The following RNF111 variants were observed in gnomAD, a reference collection of about 807,000 sequenced individuals.
RNF111 encodes the protein E3 ubiquitin-protein ligase Arkadia.
RNF111 carries 17 observed loss-of-function variants against 95.1 expected under a neutral mutation model. That is an observed-to-expected ratio of 0.18 (90% CI 0.12 to 0.27). RNF111 has a LOEUF of 0.27. RNF111 is among the 10% of genes least tolerant of loss of function. The probability of loss-of-function intolerance (pLI) is 1.00; values close to 1 mark genes in which losing one functional copy is unlikely to be tolerated. For synonymous variants in RNF111, 440 were observed against 414.8 expected (o/e 1.06, Z -0.74); for missense variants, 1,189 against 1,210.4 (o/e 0.98, Z 0.26).
intron 13 of RNF111, among the ~76,000 whole-genome samples, chr15:59,093,966 T>A (rs1246371332): frequency 6.6e-6 from 1 of 152,204 alleles, no homozygotes; most frequent in Non-Finnish European, 1.5e-5. Flanking sequence ...TTAGGAAGTC[T>A]GAAAAGTGTA....
intron 2 of RNF111, among the ~76,000 whole-genome samples, chr15:59,042,054 A>AT (rs2041485064): frequency 6.7e-6 from 1 of 148,686 alleles, no homozygotes; most frequent in Non-Finnish European, 1.5e-5. Flanking sequence ...TTAGCAATGT[A>AT]AGTCCTATAT....
chr15:59,041,962 T>TA (rs1491468012), intron 2 of RNF111, among the ~76,000 whole-genome samples: 8 of 71,210 alleles, frequency 1.1e-4, no homozygotes, highest in Non-Finnish European at 1.8e-4. Context: ...TCTGTTCATA[T>TA]TTTTTTTTTT....
chr15:59,038,697 G>A (rs2041301097), intron 2 of RNF111, among the ~76,000 whole-genome samples: 1 of 152,068 alleles, frequency 6.6e-6, no homozygotes, highest in Admixed American at 6.6e-5. Flanking sequence ...CAACACACAT[G>A]GTTTAATTCT....
chr15:59,033,886 G>A (rs2041038073), intron 2 of RNF111, among the ~76,000 whole-genome samples: 2 of 151,858 alleles, frequency 1.3e-5, no homozygotes, highest in East Asian at 3.9e-4. Context: ...TTGAAACCAA[G>A]TACATTCAAT....
intron 7 of RNF111, among the ~76,000 whole-genome samples, chr15:59,079,500 G>A (rs2140158837): frequency 6.6e-6 from 1 of 152,286 alleles, no homozygotes; most frequent in African/African-American, 2.4e-5. Context: ...ATATAGTTGA[G>A]TTATTGTTAC....
At chr15:59,042,263 A>C in intron 2 of RNF111, among the ~76,000 whole-genome samples, 1 of 151,970 alleles carries the variant, frequency 6.6e-6, no homozygotes, top group Non-Finnish European at 1.5e-5. Flanking sequence ...AGTAGCTGGG[A>C]CCACAAGTGC....
chr15:59,010,214 TTTTG>T (rs2141535300), intron 1 of RNF111, among the ~76,000 whole-genome samples: 1 of 152,308 alleles, frequency 6.6e-6, no homozygotes, highest in South Asian at 2.1e-4. Context: ...GATTGATTCT[TTTTG>T]TTTTAATTTA....
chr15:59,024,385 A>G (rs2040497455), intron 1 of RNF111, among the ~76,000 whole-genome samples: 1 of 152,216 alleles, frequency 6.6e-6, no homozygotes, highest in Non-Finnish European at 1.5e-5. Flanking sequence ...AGATCTGCCT[A>G]GATGAGATTC....
chr15:59,038,055 A>T (rs1009017310), intron 2 of RNF111, among the ~76,000 whole-genome samples: 6 of 152,206 alleles, frequency 3.9e-5, no homozygotes, highest in African/African-American at 1.4e-4. Flanking sequence ...ATATTGAAAA[A>T]ATGTTAATTT....
chr15:59,059,231 G>A (rs570745686), intron 5 of RNF111, among the ~76,000 whole-genome samples: 1 of 152,274 alleles, frequency 6.6e-6, no homozygotes, highest in East Asian at 1.9e-4. Flanking sequence ...AAGAAGTTAT[G>A]CAAATGACCA....
intron 2 of RNF111, among the ~76,000 whole-genome samples, chr15:59,035,912 A>G (rs141229852): frequency 1.4e-3 from 210 of 152,190 alleles, no homozygotes; most frequent in African/African-American, 4.4e-3. Flanking sequence ...AGCTCTCCAA[A>G]CTTTTGCAAC....
chr15:59,031,067 AG>A lies in RNF111; in HGVS notation c.246del (p.Gln82HisfsTer10). Reference protein sequence around the residue: ...QKQEKEMNGNQQEQEKSLVVR... With the variant: ...QKQEKEMNGNXQEQEKSLVVR... ...CAAGAGAAGGAAATGAATGGTAACC[AG>A]CAAGAACAAGAAAAAAGTCTCGTTG... is the stretch of plus-strand genomic sequence containing the variant. On this transcript the variant is annotated frameshift_variant, in exon 2 of 14. Coordinates refer to ENST00000348370, the MANE Select transcript of RNF111 (RefSeq NM_017610.8). LOFTEE classifies it high-confidence loss of function. The A allele has an allele frequency of 1.2e-6, 2 of 1,614,304 alleles. No individual in the cohort carries two copies. The highest frequency in any genetic ancestry group is 1.7e-6 in the Non-Finnish European group (2 of 1,180,060).
intron 1 of RNF111, among the ~76,000 whole-genome samples, chr15:59,010,052 T>A (rs1377727288): frequency 1.3e-5 from 2 of 152,222 alleles, no homozygotes; most frequent in African/African-American, 2.4e-5. Flanking sequence ...AATTTTTTTT[T>A]AGCTTTGTGT....
In RNF111 at chr15:59,058,495, G is replaced by T; in HGVS notation, c.1311G>T (p.Val437=). Reference sequence around the variant, plus strand: ...TCACCAGTAGCCAACCTTCCACAGTGTCAGAGACTTCAGCTACTCTTACAA... The same window carrying T: ...TCACCAGTAGCCAACCTTCCACAGTTTCAGAGACTTCAGCTACTCTTACAA... ...SAVTSSQPST[V]SETSATLTSN... The change falls in exon 5 of 14, where the codon GTG becomes GTT. Residue 437 remains valine (V), a synonymous_variant. Transcript: ENST00000348370. The T allele has an allele frequency of 6.2e-7, 1 of 1,614,052 alleles. No individual in the cohort carries two copies. Among genetic ancestry groups the T allele is most frequent in the Non-Finnish European group, 8.5e-7 (1 of 1,179,960 alleles).
intron 11 of RNF111, 47 bp downstream of exon 11, chr15:59,089,806 C>G (rs762100202): frequency 3.4e-5 from 43 of 1,280,244 alleles, no homozygotes; most frequent in Admixed American, 5.0e-5. Context: ...ATCTTTAATG[C>G]AGATTGAGTA....
intron 11 of RNF111, among the ~76,000 whole-genome samples, chr15:59,090,412 T>A (rs1372997559): frequency 2.0e-5 from 3 of 152,250 alleles, no homozygotes; most frequent in African/African-American, 7.2e-5. Flanking sequence ...GTATTTTTAG[T>A]AGAGATAGTG....
chr15:59,077,322 TAATA>T (rs1164688018), intron 7 of RNF111, among the ~76,000 whole-genome samples: 2 of 152,208 alleles, frequency 1.3e-5, no homozygotes, highest in African/African-American at 4.8e-5. Context: ...CAAAATGTCC[TAATA>T]AATACATGTT....
At chr15:59,045,400 A>G (rs1476802978) in intron 2 of RNF111, among the ~76,000 whole-genome samples, 1 of 152,136 alleles carries the variant, frequency 6.6e-6, no homozygotes, top group Non-Finnish European at 1.5e-5. Flanking sequence ...CATGTTGGCC[A>G]GGCTGGTCTC....
rs183410699 is a variant in RNF111 at position 59,029,445 on chromosome 15, A to G, written c.-19-1359A>G. 3.3e-5 allele frequency among the ~76,000 whole-genome samples: 5 copies of G among 152,342 alleles called. No individual in the cohort carries two copies. The East Asian group carries it at 5.8e-4, about 18-fold the overall frequency. ...GCGCGTGATGGCTGATCTTGGATAC[A>G]GCACTGCCTGTGCTTGTGAATAAGA... On this transcript the variant is annotated intron_variant, in intron 1 of 13. Coordinates refer to ENST00000348370, the MANE Select transcript of RNF111 (RefSeq NM_017610.8).
Sources: allele counts gnomAD v4.1 joint callset (sites outside exome capture counted in the v4.1 genomes callset), GRCh38; gene constraint gnomAD v4.1.1; transcripts MANE v1.5; gene names NCBI Gene and HGNC (gene_info 2026-07-23, HGNC 2026-07-21).